The following PCMT1 variants were observed in gnomAD, a reference collection of about 807,000 sequenced individuals.
PCMT1 encodes the protein protein-L-isoaspartate(D-aspartate) O-methyltransferase.
In PCMT1, 9 loss-of-function variants were observed where a neutral mutation model predicts 29.2. The ratio of observed to expected loss-of-function variants is 0.31; its 90% CI spans 0.19 to 0.54. PCMT1 has a LOEUF of 0.54. PCMT1 is among the 20% of genes least tolerant of loss of function. The pLI is 0.95. For missense variants in PCMT1, 184 were observed against 282.2 expected (o/e 0.65, Z 2.49); for synonymous variants, 98 against 97.5 (o/e 1.00, Z -0.03).
chr6:149,756,972 A>G (rs576043924), intron 1 of PCMT1, among the ~76,000 whole-genome samples: 182 of 152,000 alleles, frequency 1.2e-3, no homozygotes, highest in Non-Finnish European at 1.9e-3. Context: ...CTGGCCAACA[A>G]TGCGAAAACC....
rs1481422766 is a variant in PCMT1 at position 149,789,944 on chromosome 6, C to G, written c.193-10C>G. The G allele has an allele frequency of 6.4e-7, 1 of 1,573,150 alleles. No individual in the cohort carries two copies. Among genetic ancestry groups the G allele is most frequent in the African/African-American group, 1.4e-5 (1 of 73,226 alleles). On this transcript the variant is annotated splice_polypyrimidine_tract_variant and intron_variant, in intron 3 of 7. Transcript: ENST00000464889. ...TTAGTCTTAATGAATATTTTGTTTT[C>G]TTTTGGCAGCATGCATATGCGCTAG...
intron 3 of PCMT1, among the ~76,000 whole-genome samples, chr6:149,786,045 C>T (rs1234943301): frequency 1.4e-5 from 2 of 145,676 alleles, no homozygotes; most frequent in Non-Finnish European, 3.0e-5. Flanking sequence ...GGCTGACCCC[C>T]CCACCTCCCT....
intron 3 of PCMT1, among the ~76,000 whole-genome samples, chr6:149,787,980 C>T (rs913952636): frequency 6.6e-6 from 1 of 151,982 alleles, no homozygotes; most frequent in Non-Finnish European, 1.5e-5. Flanking sequence ...TGCAGTGGCA[C>T]GTTCTCAGCT....
At chr6:149,799,827 A>C (rs1042017270) in intron 6 of PCMT1, among the ~76,000 whole-genome samples, 1 of 152,170 alleles carries the variant, frequency 6.6e-6, no homozygotes, top group Middle Eastern at 3.2e-3. Context: ...GAAAGGAAAC[A>C]ATGATTGGAT....
intron 3 of PCMT1, among the ~76,000 whole-genome samples, chr6:149,775,681 C>G (rs971495182): frequency 6.6e-6 from 1 of 152,136 alleles, no homozygotes; most frequent in African/African-American, 2.4e-5. Context: ...GCACTCCAGC[C>G]TGGTTGACAG....
At chr6:149,789,020 A>G (rs1025909748) in intron 3 of PCMT1, among the ~76,000 whole-genome samples, 3 of 148,326 alleles carry the variant, frequency 2.0e-5, no homozygotes, top group Non-Finnish European at 4.4e-5. Context: ...GGGTATTTTT[A>G]TCAACCAAGA....
chr6:149,749,985 C>T, intron 1 of PCMT1, 29 bp downstream of exon 1: 1 of 1,594,540 alleles, frequency 6.3e-7, no homozygotes, highest in Non-Finnish European at 8.5e-7. Flanking sequence ...CGTTGTAGGG[C>T]AGCTGGGGCA....
At chr6:149,754,070 G>T (rs1413235098) in intron 1 of PCMT1, among the ~76,000 whole-genome samples, 1 of 152,192 alleles carries the variant, frequency 6.6e-6, no homozygotes, top group Non-Finnish European at 1.5e-5. Context: ...TTATGCTTTA[G>T]AATAATGTTT....
chr6:149,755,186 G>A (rs959141075), intron 1 of PCMT1, among the ~76,000 whole-genome samples: 1 of 152,080 alleles, frequency 6.6e-6, no homozygotes, highest in Non-Finnish European at 1.5e-5. Flanking sequence ...CAGGAGGATC[G>A]CTTCAGTCCA....
chr6:149,787,537 A>G (rs1053778495), intron 3 of PCMT1, among the ~76,000 whole-genome samples: 1 of 151,632 alleles, frequency 6.6e-6, no homozygotes, highest in Admixed American at 6.6e-5. Flanking sequence ...AATTTTTTGT[A>G]TTTTTAGCAG....
chr6:149,753,026 G>C (rs1282139407), intron 1 of PCMT1, among the ~76,000 whole-genome samples: 1 of 151,942 alleles, frequency 6.6e-6, no homozygotes, highest in Non-Finnish European at 1.5e-5. Flanking sequence ...GGAAATTAGA[G>C]TAGAATAGTT....
At chr6:149,772,120 G>A (rs879318273) in intron 2 of PCMT1, 8 of 456,484 alleles carry the variant, frequency 1.8e-5, no homozygotes, top group South Asian at 6.2e-5. Flanking sequence ...TCTGTCAGTC[G>A]GCTGCCATGC....
chr6:149,778,551 T>C (rs76377388), intron 3 of PCMT1, among the ~76,000 whole-genome samples: 31 of 151,946 alleles, frequency 2.0e-4, no homozygotes, highest in African/African-American at 7.3e-4. Flanking sequence ...GTTTTTGTTT[T>C]TTTTAAGACA....
Position 149,810,636 on chromosome 6 carries a change from A to G in PCMT1, c.*58A>G. ...CACAGGGATGAATTGTAAAAGCAAC[A>G]TCAGCTTGACCAGTATAAAATTACA... On this transcript the variant is annotated 3_prime_UTR_variant, in exon 8 of 8. Transcript: ENST00000464889. 1.3e-6 allele frequency: 2 copies of G among 1,547,206 alleles called. No individual in the cohort carries two copies. The highest frequency in any genetic ancestry group is 1.7e-6 in the Non-Finnish European group (2 of 1,144,242).
intron 1 of PCMT1, among the ~76,000 whole-genome samples, chr6:149,761,190 C>CAT (rs1336799125): frequency 1.3e-5 from 2 of 151,146 alleles, no homozygotes; most frequent in East Asian, 3.9e-4. Context: ...CACACACACA[C>CAT]ACACATAAAA....
chr6:149,794,807 C>G, intron 5 of PCMT1: 1 of 485,046 alleles, frequency 2.1e-6, no homozygotes, highest in Non-Finnish European at 4.2e-6. Flanking sequence ...CAGTGAGGGA[C>G]ATGAGAGATC....
At chr6:149,801,508 C>T (rs754693507) in intron 6 of PCMT1, among the ~76,000 whole-genome samples, 1 of 152,100 alleles carries the variant, frequency 6.6e-6, no homozygotes, top group Non-Finnish European at 1.5e-5. Context: ...AGTGTGGTGG[C>T]GTGATCTTGG....
At chr6:149,753,164 G>C (rs1468877883) in intron 1 of PCMT1, among the ~76,000 whole-genome samples, 1 of 151,988 alleles carries the variant, frequency 6.6e-6, no homozygotes, top group Non-Finnish European at 1.5e-5. Flanking sequence ...AATTGTAATT[G>C]ACATAAAATT....
chr6:149,787,014 T>C (rs868573576), intron 3 of PCMT1, among the ~76,000 whole-genome samples: 9 of 125,454 alleles, frequency 7.2e-5, no homozygotes, highest in Admixed American at 1.7e-4. Context: ...AGCGAGACTC[T>C]GTCTGCAATC....
Sources: gnomAD v4.1 joint callset for allele counts (sites outside exome capture counted in the v4.1 genomes callset) on GRCh38, gnomAD v4.1.1 for gene constraint, MANE v1.5 for transcripts, NCBI Gene and HGNC (gene_info 2026-07-23, HGNC 2026-07-21) for gene names.